The following ZNF771 variants were observed in gnomAD, a reference collection of about 807,000 sequenced individuals.
ZNF771 encodes the protein mesenchymal stem cell protein DSC43.
Under a neutral mutation model 27.6 loss-of-function variants are expected in ZNF771, and 10 were observed. The ratio of observed to expected loss-of-function variants is 0.36; its 90% CI spans 0.22 to 0.61. The LOEUF (loss-of-function observed/expected upper bound fraction) is 0.61. Among genes scored for constraint, ZNF771 ranks in the 20% least tolerant of loss-of-function variants. The pLI, the probability that ZNF771 is intolerant of heterozygous loss-of-function variation, is 0.70. For missense variants in ZNF771, 438 were observed against 503.7 expected (o/e 0.87, Z 1.25); for synonymous variants, 261 against 225.2 (o/e 1.16, Z -1.43).
rs921003230 is a variant in ZNF771, at chr16:30,418,607, C to T, written c.*240C>T. The T allele has an allele frequency of 4.8e-6, 2 of 413,128 alleles. No individual in the cohort carries two copies. The highest frequency in any genetic ancestry group is 8.4e-6 in the Non-Finnish European group (2 of 237,718). 25.6% of individuals were successfully genotyped at this position (413,128 alleles called of 1,614,324 possible). On this transcript the variant is annotated 3_prime_UTR_variant, in exon 3 of 3. Coordinates refer to ENST00000319296, the MANE Select transcript of ZNF771 (RefSeq NM_001142305.2). ...GTATTATATCCTCACCCCACCCGTG[C>T]CTGTGAGTGAGGTGGGTGGGAGAGG...
At chr16:30,416,215 G>A (rs1174897904) in intron 2 of ZNF771, among the ~76,000 whole-genome samples, 1 of 152,074 alleles carries the variant, frequency 6.6e-6, no homozygotes, top group Admixed American at 6.6e-5. Flanking sequence ...TGCTGCCCTA[G>A]GTTCTGTCTG....
chr16:30,410,746 G>A (rs1260170043), intron 2 of ZNF771, among the ~76,000 whole-genome samples: 2 of 150,966 alleles, frequency 1.3e-5, no homozygotes, highest in Non-Finnish European at 2.9e-5. Context: ...AGAGCCAGGC[G>A]TGGTGGCTCA....
chr16:30,418,286 C>T lies in ZNF771; in HGVS notation c.873C>T (p.Gly291=). 1.3e-6 allele frequency: 2 copies of T among 1,507,714 alleles called. No individual in the cohort carries two copies. The highest frequency in any genetic ancestry group is 2.1e-5 in the Admixed American group (1 of 48,120). The allele number at this position is 1,507,714 out of a possible 1,614,324, so 93.4% of individuals were successfully genotyped here. A position where few individuals can be genotyped will look rare whatever the true frequency, so the allele number is the denominator to read the frequency against. The part of the protein sequence containing the change: ...HMRRRLYICA[G]CGRDFKLPPG... Reference sequence around the variant, plus strand: ...GGCGCCGCCTGTATATTTGCGCCGGCTGCGGCAGGGACTTCAAGCTGCCCC... The same window carrying T: ...GGCGCCGCCTGTATATTTGCGCCGGTTGCGGCAGGGACTTCAAGCTGCCCC... Residue 291 remains glycine (G), a synonymous_variant, in exon 3 of 3, where the codon GGC becomes GGT. Coordinates refer to ENST00000319296, the MANE Select transcript of ZNF771 (RefSeq NM_001142305.2).
chr16:30,411,562 T>G (rs991413515), intron 2 of ZNF771, among the ~76,000 whole-genome samples: 1 of 152,120 alleles, frequency 6.6e-6, no homozygotes, highest in African/African-American at 2.4e-5. Flanking sequence ...CGGTCGTAAC[T>G]CCACCGTTTA....
chr16:30,409,062 C>A (rs1479288345), intron 2 of ZNF771, among the ~76,000 whole-genome samples: 1 of 151,930 alleles, frequency 6.6e-6, no homozygotes, highest in African/African-American at 2.4e-5. Context: ...GCAGCCTCCA[C>A]CTCCCGGGTT....
chr16:30,408,997 CAG>C (rs748220564), intron 2 of ZNF771, among the ~76,000 whole-genome samples: 2 of 151,108 alleles, frequency 1.3e-5, no homozygotes, highest in East Asian at 3.9e-4. Context: ...TGTTTTGAGA[CAG>C]AGTTTCGCTC....
In ZNF771 at chr16:30,417,579, T is replaced by A; in HGVS notation, c.166T>A (p.Ser56Thr). The part of the protein sequence containing the change: ...KEVPGEAPAP[S>T]ADPARPHACP... ...GGTCCCGGGCGAGGCGCCCGCGCCG[T>A]CCGCCGACCCGGCGCGTCCCCACGC... The change falls in exon 3 of 3, where the codon TCC becomes ACC. Residue 56 changes from serine (S) to threonine (T), a missense_variant. Ser to Thr is a moderately conservative substitution (Grantham distance 58). Coordinates refer to ENST00000319296, the MANE Select transcript of ZNF771 (RefSeq NM_001142305.2). 8.1e-7 allele frequency: 1 copy of A among 1,229,914 alleles called. No homozygotes were observed. Among genetic ancestry groups the A allele is most frequent in the Non-Finnish European group, 1.0e-6 (1 of 988,588 alleles). The allele number at this position is 1,229,914 out of a possible 1,614,324, so 76.2% of individuals were successfully genotyped here. A position where few individuals can be genotyped will look rare whatever the true frequency, so the allele number is the denominator to read the frequency against.
Position 30,410,380 on chromosome 16 carries a change from C to T in ZNF771, c.141+2186C>T, listed in dbSNP as rs554433818. 1.1e-4 allele frequency among the ~76,000 whole-genome samples: 16 copies of T among 152,178 alleles called. No homozygotes were observed. In the East Asian group the frequency reaches 2.5e-3, roughly 24 times the overall value. The stretch of plus-strand genomic sequence containing the variant: ...CCTCCCAAAGTGTTGGGATTACAGG[C>T]GTGAGCCACCACGCCTGGCTCAACT... On this transcript the variant is annotated intron_variant, in intron 2 of 2. Coordinates refer to ENST00000319296, the MANE Select transcript of ZNF771 (RefSeq NM_001142305.2).
At chr16:30,416,303 C>T (rs1412027100) in intron 2 of ZNF771, among the ~76,000 whole-genome samples, 1 of 152,116 alleles carries the variant, frequency 6.6e-6, no homozygotes, top group East Asian at 1.9e-4. Flanking sequence ...TCTCAATTAA[C>T]ATCTCCAGTC....
Position 30,410,789 on chromosome 16 carries a change from G to A in ZNF771, c.141+2595G>A, listed in dbSNP as rs557062843. On this transcript the variant is annotated intron_variant, in intron 2 of 2. Transcript: ENST00000319296. ...AATCCTAGCACTTTGGAAAGCCAAG[G>A]TGGGAGGATCACTTGAGCCCAGGAG... 1.8e-4 allele frequency among the ~76,000 whole-genome samples: 27 copies of A among 148,438 alleles called. 1 individual carries two copies. The South Asian group carries it at 5.8e-3, about 32-fold the overall frequency.
chr16:30,415,455 C>T (rs2050128953), intron 2 of ZNF771, among the ~76,000 whole-genome samples: 2 of 143,434 alleles, frequency 1.4e-5, no homozygotes, highest in South Asian at 4.4e-4. Context: ...GCAATCTTGG[C>T]TCACTGCAAC....
chr16:30,411,556 C>A (rs535619339), intron 2 of ZNF771, among the ~76,000 whole-genome samples: 31 of 152,060 alleles, frequency 2.0e-4, no homozygotes, highest in African/African-American at 7.0e-4. Flanking sequence ...ATGTAGCGGT[C>A]GTAACTCCAC....
chr16:30,416,486 C>T (rs974610825), intron 2 of ZNF771, among the ~76,000 whole-genome samples: 8 of 152,110 alleles, frequency 5.3e-5, no homozygotes, highest in African/African-American at 1.9e-4. Context: ...TTTCTTCACA[C>T]CTCATATCTA....
intron 2 of ZNF771, 43 bp from the exon 3 acceptor site, chr16:30,417,512 G>C: frequency 8.4e-7 from 1 of 1,190,806 alleles, no homozygotes; most frequent in Non-Finnish European, 1.0e-6. Flanking sequence ...CTCTGGCTCC[G>C]GGGCCTGCCG....
At chr16:30,417,354 G>C (rs915282798) in intron 2 of ZNF771, among the ~76,000 whole-genome samples, 4 of 152,248 alleles carry the variant, frequency 2.6e-5, no homozygotes, top group Non-Finnish European at 5.9e-5. Flanking sequence ...AAAATAGCTA[G>C]AACGCCACTG....
rs116899500 is a variant in ZNF771, at chr16:30,413,164, T to C, written c.142-4391T>C. 1.7e-4 allele frequency among the ~76,000 whole-genome samples: 26 copies of C among 152,264 alleles called. No individual in the cohort carries two copies. In the East Asian group the frequency reaches 5.0e-3, roughly 29 times the overall value. On this transcript the variant is annotated intron_variant, in intron 2 of 2. Transcript: ENST00000319296. Reference sequence around the variant, plus strand: ...CAGGAAAACAAAAATCACTAACTTCTAATACCTGGATTATTATATTATTAC... The same window carrying C: ...CAGGAAAACAAAAATCACTAACTTCCAATACCTGGATTATTATATTATTAC...
chr16:30,418,293 A>C lies in ZNF771; in HGVS notation c.880A>C (p.Arg294=), dbSNP rs546728153. The C allele has an allele frequency of 1.3e-6, 2 of 1,504,928 alleles. No homozygotes were observed. The highest frequency in any genetic ancestry group is 2.7e-5 in the East Asian group (1 of 37,238). 93.2% of individuals were successfully genotyped at this position (1,504,928 alleles called of 1,614,324 possible). The change falls in exon 3 of 3, where the codon AGG becomes CGG. Residue 294 remains arginine, a synonymous_variant. Coordinates refer to ENST00000319296, the MANE Select transcript of ZNF771 (RefSeq NM_001142305.2). ...CCTGTATATTTGCGCCGGCTGCGGC[A>C]GGGACTTCAAGCTGCCCCCTGGCGC... ...RRLYICAGCG[R]DFKLPPGATA... is the part of the protein sequence containing the mutation.
Position 30,417,689 on chromosome 16 carries a change from G to C in ZNF771, c.276G>C (p.Gly92=), listed in dbSNP as rs879044893. The part of the protein sequence containing the change: ...ARTHTGERPF[G]CTECGRRFSQ... The stretch of plus-strand genomic sequence containing the variant: ...CGCACACGGGCGAACGGCCCTTCGG[G>C]TGCACCGAGTGCGGGCGGCGCTTCT... Residue 92 remains glycine (G), a synonymous_variant, in exon 3 of 3, where the codon GGG becomes GGC. Coordinates refer to ENST00000319296, the MANE Select transcript of ZNF771 (RefSeq NM_001142305.2). 5.1e-6 allele frequency: 7 copies of C among 1,382,456 alleles called. No homozygotes were observed. Among genetic ancestry groups the C allele is most frequent in the Non-Finnish European group, 4.7e-6 (5 of 1,070,760 alleles). The allele number at this position is 1,382,456 out of a possible 1,614,324, so 85.6% of individuals were successfully genotyped here.
chr16:30,418,437 C>G lies in ZNF771; in HGVS notation c.*70C>G. The G allele has an allele frequency of 7.5e-7, 1 of 1,330,076 alleles. No homozygotes were observed. Among genetic ancestry groups the G allele is most frequent in the Non-Finnish European group, 9.6e-7 (1 of 1,037,480 alleles). The allele number at this position is 1,330,076 out of a possible 1,614,324, so 82.4% of individuals were successfully genotyped here. A position where few individuals can be genotyped will look rare whatever the true frequency, so the allele number is the denominator to read the frequency against. On this transcript the variant is annotated 3_prime_UTR_variant, in exon 3 of 3. Coordinates refer to ENST00000319296, the MANE Select transcript of ZNF771 (RefSeq NM_001142305.2). ...TGCACTAACCCAGGCTCCTCCTCGC[C>G]CCGGCCTCCGGGTCTGGGAAATTGA...
Sources: allele counts gnomAD v4.1 joint callset (sites outside exome capture counted in the v4.1 genomes callset), GRCh38; gene constraint gnomAD v4.1.1; transcripts MANE v1.5; gene names NCBI Gene and HGNC (gene_info 2026-07-23, HGNC 2026-07-21).